Variants in PHLDB2 observed in about 807,000 individuals in gnomAD.
PHLDB2 encodes the protein pleckstrin homology-like domain family B member 2.
Under a neutral mutation model 123.6 loss-of-function variants are expected in PHLDB2, and 71 were observed. The observed-to-expected ratio is 0.57, with a 90% CI of 0.47 to 0.70. The LOEUF is 0.70. Among genes scored for constraint, PHLDB2 ranks in the 30% least tolerant of loss-of-function variants. The pLI is 0.00. For synonymous variants in PHLDB2, 547 were observed against 541.6 expected, an observed-to-expected ratio of 1.01 and a Z score of -0.14; for missense variants, 1,446 against 1,519.5, an observed-to-expected ratio of 0.95 and a Z score of 0.80.
chr3:111,807,904 T>C (rs1401280393), intron 1 of PHLDB2, among the ~76,000 whole-genome samples: 1 of 152,072 alleles, frequency 6.6e-6, no homozygotes, highest in African/African-American at 2.4e-5. Context: ...GAACATTGCT[T>C]TATTTCTTTG....
Position 111,975,096 on chromosome 3 carries a change from A to C in PHLDB2, c.*533A>C, listed in dbSNP as rs1023639907. On this transcript the variant is annotated 3_prime_UTR_variant, in exon 18 of 18. Transcript: ENST00000431670. ...TTTAAGTACTGCACCAAAACCAAAGAGCTGACCTGACTTCTGTGGAACAGT... is the reference window on the plus strand; with the variant it reads ...TTTAAGTACTGCACCAAAACCAAAGCGCTGACCTGACTTCTGTGGAACAGT... 2 of 152,616 alleles carry C rather than the reference A, an allele frequency of 1.3e-5. No homozygotes were observed. Among genetic ancestry groups the C allele is most frequent in the Non-Finnish European group, 2.9e-5 (2 of 68,048 alleles). 9.5% of individuals were successfully genotyped at this position (152,616 alleles called of 1,614,324 possible). A position where few individuals can be genotyped will look rare whatever the true frequency, so the allele number is the denominator to read the frequency against.
At position 111,913,497 on chromosome 3, in the gene PHLDB2, G is replaced by T. The variant is rs149490958; in HGVS notation, c.1514G>T (p.Arg505Ile). 5.1e-4 allele frequency: 817 copies of T among 1,614,138 alleles called. 4 individuals are homozygous for T. Among genetic ancestry groups the T allele is most frequent in the Non-Finnish European group, 2.6e-4 (308 of 1,180,012 alleles). The change falls in exon 3 of 18, where the codon AGA (arginine) becomes ATA (isoleucine). Residue 505 changes from arginine (R) to isoleucine (I), a missense_variant. Coordinates refer to ENST00000431670, the MANE Select transcript of PHLDB2 (RefSeq NM_001134438.2). ...GAAGCCCTCATGAGCCCTGACACAA[G>T]ATACAGGTGCCACCGGAAAGACTCC... is the stretch of plus-strand genomic sequence containing the variant. ...FEEALMSPDT[R>I]YRCHRKDSLP...
chr3:111,919,390 TTTC>T (rs1290545721), intron 4 of PHLDB2, among the ~76,000 whole-genome samples, 175 bp downstream of exon 4: 5 of 121,680 alleles, frequency 4.1e-5, no homozygotes, highest in African/African-American at 1.7e-4. Flanking sequence ...TCCTTTTTTC[TTTC>T]TTTTTTTTTC....
rs145062113 is a variant in PHLDB2 at position 111,881,876 on chromosome 3, A to G, written c.-14-2188A>G. Among the ~76,000 whole-genome samples, 984 of 151,874 alleles carry G rather than the reference A, an allele frequency of 6.5e-3. 2 individuals are homozygous for G. The highest frequency in any genetic ancestry group is 9.9e-3 in the Non-Finnish European group (671 of 67,982). On this transcript the variant is annotated intron_variant, in intron 1 of 17. Coordinates refer to ENST00000431670, the MANE Select transcript of PHLDB2 (RefSeq NM_001134438.2). The stretch of plus-strand genomic sequence containing the variant: ...GTATATTTATTGAAAAAAATGTTGC[A>G]TGGGTAAGGGTACCCATGTAGTTCA...
intron 13 of PHLDB2, among the ~76,000 whole-genome samples, chr3:111,965,257 G>A (rs1025495019): frequency 9.2e-5 from 14 of 152,186 alleles, no homozygotes; most frequent in African/African-American, 3.1e-4. Flanking sequence ...AAAACACCTG[G>A]CTAAAAAGTG....
chr3:111,969,068 C>T (rs549591893), intron 15 of PHLDB2, among the ~76,000 whole-genome samples: 1 of 152,336 alleles, frequency 6.6e-6, no homozygotes, highest in African/African-American at 2.4e-5. Flanking sequence ...AAATACATCC[C>T]TTTGGCATCT....
rs568559903 is a variant in PHLDB2, at chr3:111,892,453, G to A, written c.1335+7041G>A. On this transcript the variant is annotated intron_variant, in intron 2 of 17. Coordinates refer to ENST00000431670, the MANE Select transcript of PHLDB2 (RefSeq NM_001134438.2). ...CATTCTTTACATGTTTTTAAAAAGA[G>A]TAATTGAATGTTTTTGATACCCATT... 8.5e-5 allele frequency among the ~76,000 whole-genome samples: 13 copies of A among 152,324 alleles called. No individual in the cohort carries two copies. In the South Asian group the frequency reaches 2.7e-3, roughly 32 times the overall value.
At chr3:111,903,705 TGACA>T (rs2067331111) in intron 2 of PHLDB2, among the ~76,000 whole-genome samples, 1 of 152,198 alleles carries the variant, frequency 6.6e-6, no homozygotes, top group Non-Finnish European at 1.5e-5. Flanking sequence ...TAACCATGAC[TGACA>T]AAGAGTGAGC....
At chr3:111,814,976 G>A (rs1022401938) in intron 1 of PHLDB2, among the ~76,000 whole-genome samples, 6 of 152,146 alleles carry the variant, frequency 3.9e-5, no homozygotes, top group African/African-American at 9.7e-5. Context: ...TTATGGGTGC[G>A]GGTGTTTCCT....
intron 1 of PHLDB2, among the ~76,000 whole-genome samples, chr3:111,735,647 G>A (rs562896214): frequency 3.3e-4 from 50 of 152,336 alleles, no homozygotes; most frequent in African/African-American, 1.2e-3. Context: ...GACCTTGCAT[G>A]AACTGTACTT....
intron 1 of PHLDB2, among the ~76,000 whole-genome samples, chr3:111,792,573 G>A (rs1321253404): frequency 6.6e-6 from 1 of 152,044 alleles, no homozygotes; most frequent in African/African-American, 2.4e-5. Context: ...CAAGTGTAGT[G>A]GCACACATCT....
intron 1 of PHLDB2, among the ~76,000 whole-genome samples, chr3:111,814,399 G>A (rs2061978565): frequency 6.6e-6 from 1 of 152,072 alleles, no homozygotes; most frequent in South Asian, 2.1e-4. Context: ...TTCAGTTTTG[G>A]GACTCGGACT....
At chr3:111,840,587 A>G (rs997694379) in intron 1 of PHLDB2, among the ~76,000 whole-genome samples, 1 of 152,206 alleles carries the variant, frequency 6.6e-6, no homozygotes. Context: ...CTTGATGATA[A>G]CAGAAAAGAT....
intron 1 of PHLDB2, among the ~76,000 whole-genome samples, chr3:111,767,371 G>A (rs6780845): frequency 0.87 from 131,798 of 152,248 alleles, 57,945 homozygotes; most frequent in East Asian, 1. Context: ...AACATCTGTC[G>A]TTCTTCCACA....
intron 1 of PHLDB2, among the ~76,000 whole-genome samples, chr3:111,764,015 G>A (rs901318353): frequency 6.6e-6 from 1 of 152,178 alleles, no homozygotes; most frequent in African/African-American, 2.4e-5. Context: ...TAGAAAGGAA[G>A]CAGTTTGGCC....
chr3:111,734,609 G>A (rs1941623985), intron 1 of PHLDB2, among the ~76,000 whole-genome samples: 1 of 152,106 alleles, frequency 6.6e-6, no homozygotes, highest in African/African-American at 2.4e-5. Flanking sequence ...AGTAAGTAGA[G>A]GGAGACTATT....
chr3:111,744,489 A>G (rs541112096), intron 1 of PHLDB2, among the ~76,000 whole-genome samples: 1 of 152,354 alleles, frequency 6.6e-6, no homozygotes, highest in Non-Finnish European at 1.5e-5. Context: ...AGTTTCACAC[A>G]GTACTTAAAT....
intron 1 of PHLDB2, among the ~76,000 whole-genome samples, chr3:111,788,482 T>C (rs574429623): frequency 2.6e-5 from 4 of 152,212 alleles, no homozygotes; most frequent in Non-Finnish European, 5.9e-5. Context: ...ATTAATTTGA[T>C]ATTCCCTAAA....
intron 1 of PHLDB2, among the ~76,000 whole-genome samples, chr3:111,816,832 T>C (rs976835407): frequency 3.9e-5 from 6 of 152,200 alleles, no homozygotes; most frequent in Admixed American, 1.3e-4. Flanking sequence ...AAATCTCATC[T>C]TGAATTGTAA....
Sources: gnomAD v4.1 joint callset for allele counts (sites outside exome capture counted in the v4.1 genomes callset) on GRCh38, gnomAD v4.1.1 for gene constraint, MANE v1.5 for transcripts, NCBI Gene and HGNC (gene_info 2026-07-23, HGNC 2026-07-21) for gene names.